The following CDH23 variants were observed in gnomAD, a reference collection of about 807,000 sequenced individuals.
The protein encoded by CDH23 is cadherin-23.
Under a neutral mutation model 317.1 loss-of-function variants are expected in CDH23, and 189 were observed. The ratio of observed to expected loss-of-function variants is 0.60; its 90% confidence interval spans 0.53 to 0.67. The LOEUF is 0.67. Among genes scored for constraint, CDH23 ranks in the 30% least tolerant of loss-of-function variants. CDH23 has a pLI of 0.00. For synonymous variants in CDH23, 1,839 were observed against 1,876.8 expected (o/e 0.98, Z 0.52); for missense variants, 4,401 against 4,592.4 (o/e 0.96, Z 1.20).
At chr10:71,425,196 G>A (rs1291007218) in intron 1 of CDH23, among the ~76,000 whole-genome samples, 1 of 141,648 alleles carries the variant, frequency 7.1e-6, no homozygotes, top group Non-Finnish European at 1.5e-5. Context: ...GAGGAAACCG[G>A]CTTGGCTAAA....
intron 1 of CDH23, among the ~76,000 whole-genome samples, chr10:71,404,468 AT>A (rs1479298279): frequency 6.6e-6 from 1 of 152,218 alleles, no homozygotes; most frequent in African/African-American, 2.4e-5. Flanking sequence ...TCCTTTAGCC[AT>A]TTGAGTTTGT....
chr10:71,513,262 G>C (rs2132207949), intron 6 of CDH23, among the ~76,000 whole-genome samples: 1 of 152,288 alleles, frequency 6.6e-6, no homozygotes, highest in South Asian at 2.1e-4. Flanking sequence ...GCTGGACGGA[G>C]GCCTGGCTAC....
intron 16 of CDH23, among the ~76,000 whole-genome samples, chr10:71,678,341 G>A (rs546906967): frequency 2.0e-5 from 3 of 152,234 alleles, no homozygotes; most frequent in African/African-American, 2.4e-5. Context: ...GCTTGCCCAC[G>A]AAGACATAGT....
At chr10:71,599,601 G>C (rs1467802563) in intron 9 of CDH23, among the ~76,000 whole-genome samples, 1 of 152,156 alleles carries the variant, frequency 6.6e-6, no homozygotes, top group Non-Finnish European at 1.5e-5. Flanking sequence ...ATGGTACCGA[G>C]AGCTTCATTG....
At chr10:71,799,755 G>A in intron 52 of CDH23, 126 bp downstream of exon 52, 2 of 1,326,566 alleles carry the variant, frequency 1.5e-6, no homozygotes, top group Non-Finnish European at 2.1e-6. Flanking sequence ...CATCCCCAGA[G>A]GTTCTTTAGC....
intron 3 of CDH23, among the ~76,000 whole-genome samples, chr10:71,462,004 C>T (rs1230396624): frequency 6.6e-6 from 1 of 152,260 alleles, no homozygotes; most frequent in Non-Finnish European, 1.5e-5. Flanking sequence ...CATCACCCGC[C>T]TGGTCAGCTC....
intron 6 of CDH23, among the ~76,000 whole-genome samples, chr10:71,517,165 C>T (rs892720523): frequency 5.3e-5 from 8 of 152,226 alleles, no homozygotes; most frequent in South Asian, 2.1e-4. Context: ...GTACTTTGCT[C>T]GGCCAGCTGG....
At chr10:71,795,820 AT>A (rs1841385885) in intron 48 of CDH23, 1 of 985,426 alleles carries the variant, frequency 1.0e-6, no homozygotes, top group East Asian at 1.1e-4. Context: ...TCTCTTCCTC[AT>A]GGCTGGCAGG....
At chr10:71,550,363 G>A (rs1280548430) in intron 6 of CDH23, among the ~76,000 whole-genome samples, 1 of 151,900 alleles carries the variant, frequency 6.6e-6, no homozygotes, top group Non-Finnish European at 1.5e-5. Flanking sequence ...ACCAGCCTGG[G>A]CAACATATCA....
At chr10:71,774,310 T>G (rs894332341) in intron 38 of CDH23, among the ~76,000 whole-genome samples, 1 of 150,952 alleles carries the variant, frequency 6.6e-6, no homozygotes, top group Non-Finnish European at 1.5e-5. Flanking sequence ...GCCTCTGCTC[T>G]TGCACCCACA....
At chr10:71,667,359 A>AGAGAGAGAGAGAGT (rs58361666) in intron 14 of CDH23, among the ~76,000 whole-genome samples, 63 of 112,112 alleles carry the variant, frequency 5.6e-4, no homozygotes, top group East Asian at 5.5e-3. Context: ...AGAGAGAGAG[A>AGAGAGAGAGAGAGT]GTGTGTGTGT....
intron 22 of CDH23, among the ~76,000 whole-genome samples, chr10:71,695,975 C>T (rs765973495): frequency 2.0e-5 from 3 of 152,242 alleles, no homozygotes; most frequent in East Asian, 1.9e-4. Flanking sequence ...CTGGCCCCCA[C>T]GGCTGCCCAG....
rs576266614 is a variant in CDH23 at position 71,712,322 on chromosome 10, G to T, written c.3221-343G>T. ...AAATTAATCTTCACAGGTTCCCAGG[G>T]GTTTAACATGGGTCTGTTTTTTTTG... On this transcript the variant is annotated intron_variant, in intron 27 of 69. Transcript: ENST00000224721. The T allele has an allele frequency of 1.3e-5, 3 of 235,246 alleles. No homozygotes were observed. In the South Asian group the frequency reaches 3.0e-4, roughly 23 times the overall value. The allele number at this position is 235,246 out of a possible 1,614,324, so 14.6% of individuals were successfully genotyped here. A position where few individuals can be genotyped will look rare whatever the true frequency, so the allele number is the denominator to read the frequency against.
At position 71,778,198 on chromosome 10, in the gene CDH23, A is replaced by G; in HGVS notation, c.5077A>G (p.Thr1693Ala). The change falls in exon 40 of 70, where the codon ACT (threonine) becomes GCT (alanine). Residue 1693 changes from threonine (T) to alanine (A), a missense_variant. By Grantham distance (58) the Thr-to-Ala change is moderately conservative. Coordinates refer to ENST00000224721, the MANE Select transcript of CDH23 (RefSeq NM_022124.6). ...TCCCTGTGTCCCCCAGGGTGTCATC[A>G]CTGCTGCCAAAGAGCTGGACTACGA... ...FRIDRHMGVITAAKELDYEIS... is the reference protein window; with the variant it reads ...FRIDRHMGVIAAAKELDYEIS... 1 of 1,613,670 alleles carries G rather than the reference A, an allele frequency of 6.2e-7. No individual in the cohort carries two copies. The highest frequency in any genetic ancestry group is 8.5e-7 in the Non-Finnish European group (1 of 1,179,794).
intron 3 of CDH23, among the ~76,000 whole-genome samples, chr10:71,488,192 A>C (rs1191149934): frequency 1.3e-5 from 2 of 152,252 alleles, no homozygotes; most frequent in South Asian, 2.1e-4. Context: ...GAGCACAGGC[A>C]GCATGGAGGG....
intron 6 of CDH23, among the ~76,000 whole-genome samples, chr10:71,564,443 T>G (rs1857288558): frequency 6.6e-6 from 1 of 152,214 alleles, no homozygotes; most frequent in South Asian, 2.1e-4. Flanking sequence ...TATGCAGAAA[T>G]TAAATGGGTT....
At chr10:71,675,515 C>T (rs890806519) in intron 15 of CDH23, among the ~76,000 whole-genome samples, 3 of 152,240 alleles carry the variant, frequency 2.0e-5, no homozygotes, top group Non-Finnish European at 4.4e-5. Context: ...TACTACATGT[C>T]AGGCTCATGA....
chr10:71,568,506 A>G (rs1161110068), intron 7 of CDH23, among the ~76,000 whole-genome samples: 1 of 152,236 alleles, frequency 6.6e-6, no homozygotes, highest in Admixed American at 6.5e-5. Context: ...GACTGGGCTC[A>G]AGCTGGGATG....
At position 71,732,118 on chromosome 10, in the gene CDH23, G is replaced by T. The variant is rs758413650; in HGVS notation, c.3847G>T (p.Val1283Leu). 2 of 1,614,012 alleles carry T rather than the reference G, an allele frequency of 1.2e-6. No individual in the cohort carries two copies. Among genetic ancestry groups the T allele is most frequent in the Non-Finnish European group, 1.7e-6 (2 of 1,179,890 alleles). Reference sequence around the variant, plus strand: ...GACCAAGACCAGCTACATGATGAATGTGTCGGCCACTGACCAGGCCCCGCC... The same window carrying T: ...GACCAAGACCAGCTACATGATGAATTTGTCGGCCACTGACCAGGCCCCGCC... Reference protein sequence around the residue: ...YETKTSYMMNVSATDQAPPFN... With the variant: ...YETKTSYMMNLSATDQAPPFN... The change falls in exon 32 of 70, where the codon GTG becomes TTG. Residue 1283 changes from valine to leucine, a missense_variant. Around this residue, in one of 3 missense-constraint regions of CDH23, gnomAD observed 3,068 missense variants for 3,203.3 expected, o/e 0.96. Transcript: ENST00000224721.
Sources: allele counts gnomAD v4.1 joint callset (sites outside exome capture counted in the v4.1 genomes callset), GRCh38; gene constraint gnomAD v4.1.1; regional missense constraint gnomAD v4.1.1; transcripts MANE v1.5; gene names NCBI Gene and HGNC (gene_info 2026-07-23, HGNC 2026-07-21).